ADORA2B: variants seen among roughly 807,000 people sequenced by gnomAD.
ADORA2B encodes adenosine A2b receptor, also known as adenosine receptor A2b.
ADORA2B carries 18 observed loss-of-function variants against 20.8 expected under a neutral mutation model. The observed-to-expected ratio is 0.87, with a 90% confidence interval of 0.60 to 1.29. ADORA2B has a LOEUF of 1.29. Among genes scored for constraint, ADORA2B ranks in the 50% most tolerant of loss-of-function variants. The probability of loss-of-function intolerance (pLI) is 0.00; values close to 1 mark genes in which losing one functional copy is unlikely to be tolerated. For synonymous variants in ADORA2B, 179 were observed against 178.3 expected, an observed-to-expected ratio of 1.00 and a Z score of -0.03; for missense variants, 441 against 422.7, an observed-to-expected ratio of 1.04 and a Z score of -0.38.
chr17:15,959,718 C>G lies in ADORA2B; in HGVS notation c.335+14135C>G, dbSNP rs140944594. ...GTTTTGCCATGTTGGCCAGGCTGGT[C>G]GTGAATTCCTGACCTCAGGTGATCC... On this transcript the variant is annotated intron_variant, in intron 1 of 1. Coordinates refer to ENST00000304222, the MANE Select transcript of ADORA2B (RefSeq NM_000676.4). 3.4e-3 allele frequency among the ~76,000 whole-genome samples: 515 copies of G among 152,230 alleles called. 2 individuals are homozygous for G. Among genetic ancestry groups the G allele is most frequent in the African/African-American group, 0.012 (494 of 41,530 alleles).
the ADORA2B span, among the ~76,000 whole-genome samples, chr17:15,862,211 CTTTTTT>C: frequency 0.018 from 1,754 of 96,080 alleles, 16 homozygotes; most frequent in African/African-American, 0.088. Context: ...CTTTTCTTTT[CTTTTTT>C]TTTTTTTTTT....
At chr17:15,898,350 A>G in the ADORA2B span, among the ~76,000 whole-genome samples, 21 of 151,698 alleles carry the variant, frequency 1.4e-4, no homozygotes, top group African/African-American at 4.6e-4. Flanking sequence ...CTGGAGTGCA[A>G]TGGCGCGATC....
the ADORA2B span, among the ~76,000 whole-genome samples, chr17:15,928,072 T>G: frequency 7.9e-5 from 12 of 152,044 alleles, no homozygotes; most frequent in South Asian, 2.1e-3. Flanking sequence ...CCTCCCAAAG[T>G]GCTGGGATTA....
intron 1 of ADORA2B, among the ~76,000 whole-genome samples, chr17:15,964,827 C>CG (rs1970085827): frequency 6.6e-6 from 1 of 151,458 alleles, no homozygotes; most frequent in Non-Finnish European, 1.5e-5. Flanking sequence ...TTTGGGAGGC[C>CG]AAGGTGGGCG....
the ADORA2B span, among the ~76,000 whole-genome samples, chr17:15,932,280 G>C: frequency 1.3e-5 from 2 of 151,910 alleles, no homozygotes; most frequent in Admixed American, 6.6e-5. Context: ...GGATCACTAA[G>C]TCAGGAGTTC....
the ADORA2B span, among the ~76,000 whole-genome samples, chr17:15,929,840 G>A: frequency 6.6e-6 from 1 of 152,122 alleles, no homozygotes; most frequent in Admixed American, 6.6e-5. Context: ...ACAGAAAGTA[G>A]AATGGTGGTT....
the ADORA2B span, among the ~76,000 whole-genome samples, chr17:15,876,628 T>TAGA: frequency 6.6e-6 from 1 of 152,098 alleles, no homozygotes; most frequent in Non-Finnish European, 1.5e-5. Flanking sequence ...TTCTGTCTCT[T>TAGA]TGCCTTATAG....
intron 1 of ADORA2B, among the ~76,000 whole-genome samples, chr17:15,947,939 GAC>G (rs1269881173): frequency 6.6e-6 from 1 of 152,202 alleles, no homozygotes; most frequent in African/African-American, 2.4e-5. Flanking sequence ...TCACTTGACT[GAC>G]ACAGGCTGGG....
At chr17:15,857,112 C>T in the ADORA2B span, among the ~76,000 whole-genome samples, 1 of 152,244 alleles carries the variant, frequency 6.6e-6, no homozygotes, top group African/African-American at 2.4e-5. Context: ...GCTGCTCTAG[C>T]TCCAGTGGTG....
At chr17:15,867,702 C>T in the ADORA2B span, among the ~76,000 whole-genome samples, 1 of 150,106 alleles carries the variant, frequency 6.7e-6, no homozygotes, top group Non-Finnish European at 1.5e-5. Flanking sequence ...GCCAGCCGCC[C>T]CGTCCGGGAG....
the ADORA2B span, among the ~76,000 whole-genome samples, chr17:15,879,421 C>T: frequency 6.6e-6 from 1 of 151,676 alleles, no homozygotes; most frequent in African/African-American, 2.4e-5. Context: ...CCACTGCACT[C>T]CAGTGTGGGC....
the ADORA2B span, among the ~76,000 whole-genome samples, chr17:15,869,810 A>G: frequency 7.2e-5 from 11 of 152,290 alleles, no homozygotes; most frequent in East Asian, 7.7e-4. Context: ...GAAAAATGGC[A>G]TTTTTCCAAG....
chr17:15,908,077 G>A, the ADORA2B span, among the ~76,000 whole-genome samples: 1 of 152,068 alleles, frequency 6.6e-6, no homozygotes, highest in East Asian at 1.9e-4. Flanking sequence ...GTTAAATTAT[G>A]GGTGACTTTT....
chr17:15,862,083 T>C, the ADORA2B span, among the ~76,000 whole-genome samples: 1 of 152,002 alleles, frequency 6.6e-6, no homozygotes, highest in Non-Finnish European at 1.5e-5. Flanking sequence ...CCTCCTTTTG[T>C]CCTTTCACAG....
the ADORA2B span, among the ~76,000 whole-genome samples, chr17:15,918,790 G>GT: frequency 1.7e-3 from 266 of 152,254 alleles, 2 homozygotes; most frequent in African/African-American, 5.7e-3. Context: ...ATTTCTTAGC[G>GT]TAAGTACACC....
chr17:15,963,721 C>G (rs532960256), intron 1 of ADORA2B, among the ~76,000 whole-genome samples: 2 of 152,328 alleles, frequency 1.3e-5, no homozygotes, highest in East Asian at 3.9e-4. Context: ...TAACCTCAGT[C>G]TCAACTGGTT....
At chr17:15,854,066 C>G in the ADORA2B span, among the ~76,000 whole-genome samples, 38 of 152,340 alleles carry the variant, frequency 2.5e-4, no homozygotes, top group African/African-American at 8.4e-4. Flanking sequence ...AGTGATTGTC[C>G]TGCCTCAGCC....
rs1183975329 is a variant in ADORA2B at position 15,975,657 on chromosome 17, T to C, written c.*315T>C. On this transcript the variant is annotated 3_prime_UTR_variant, in exon 2 of 2. Transcript: ENST00000304222. Reference sequence around the variant, plus strand: ...ATGGTGGAAAATTACTGAAACTATTTTACTGTGAAACAGTGTGAACTATTA... The same window carrying C: ...ATGGTGGAAAATTACTGAAACTATTCTACTGTGAAACAGTGTGAACTATTA... The C allele has an allele frequency of 1.5e-5, 5 of 344,060 alleles. No individual in the cohort carries two copies. The East Asian group carries it at 2.7e-4, about 18-fold the overall frequency. The allele number at this position is 344,060 out of a possible 1,614,324, so 21.3% of individuals were successfully genotyped here.
At chr17:15,887,253 G>T in the ADORA2B span, among the ~76,000 whole-genome samples, 1 of 130,148 alleles carries the variant, frequency 7.7e-6, no homozygotes, top group Non-Finnish European at 1.6e-5. Flanking sequence ...TCCTGGACCA[G>T]CTCACCGTGG....
Sources: allele counts gnomAD v4.1 joint callset (sites outside exome capture counted in the v4.1 genomes callset), GRCh38; gene constraint gnomAD v4.1.1; transcripts MANE v1.5; gene names NCBI Gene and HGNC (gene_info 2026-07-23, HGNC 2026-07-21).